Variants in MDGA2 observed in about 807,000 individuals in gnomAD.
MDGA2 encodes the protein MAM domain containing glycosylphosphatidylinositol anchor 2, also known as MAM domain-containing glycosylphosphatidylinositol anchor protein 2.
A neutral mutation model predicts 117.8 loss-of-function variants in MDGA2; 40 were observed. The observed-to-expected ratio is 0.34, with a 90% confidence interval of 0.26 to 0.44. The LOEUF is 0.44. Among genes scored for constraint, MDGA2 ranks in the 20% least tolerant of loss-of-function variants. The pLI, the probability that MDGA2 is intolerant of heterozygous loss-of-function variation, is 1.00. For missense variants in MDGA2, 1,123 were observed against 1,250.6 expected (o/e 0.90, Z 1.54); for synonymous variants, 452 against 439.0 (o/e 1.03, Z -0.37).
intron 2 of MDGA2, among the ~76,000 whole-genome samples, chr14:47,286,348 A>C (rs1888669404): frequency 1.3e-5 from 2 of 152,046 alleles, no homozygotes; most frequent in Admixed American, 6.6e-5. Context: ...TGTATGTTTT[A>C]CACACTAACC....
At chr14:47,411,382 G>A (rs1892369572) in intron 1 of MDGA2, among the ~76,000 whole-genome samples, 1 of 152,092 alleles carries the variant, frequency 6.6e-6, no homozygotes, top group African/African-American at 2.4e-5. Flanking sequence ...GAACATTCTA[G>A]AATGTCCTCA....
chr14:47,436,855 T>C (rs1408939976), intron 1 of MDGA2, among the ~76,000 whole-genome samples: 2 of 152,128 alleles, frequency 1.3e-5, no homozygotes, highest in Non-Finnish European at 2.9e-5. Context: ...ATCCAAGTTC[T>C]TGATACATGC....
intron 8 of MDGA2, among the ~76,000 whole-genome samples, chr14:46,958,039 C>T (rs1194760386): frequency 1.3e-5 from 2 of 152,064 alleles, no homozygotes; most frequent in Non-Finnish European, 2.9e-5. Flanking sequence ...AGATTCCTTT[C>T]TTCATTTACT....
At chr14:47,116,673 C>T (rs1881348047) in intron 5 of MDGA2, among the ~76,000 whole-genome samples, 1 of 151,864 alleles carries the variant, frequency 6.6e-6, no homozygotes, top group Admixed American at 6.6e-5. Context: ...TAGACAAAGA[C>T]AAGAGATGTT....
At chr14:47,616,709 A>G (rs1231276566) in intron 1 of MDGA2, among the ~76,000 whole-genome samples, 9 of 152,188 alleles carry the variant, frequency 5.9e-5, no homozygotes, top group Admixed American at 3.3e-4. Flanking sequence ...ATAAAAATAG[A>G]ACAATTTTTT....
chr14:47,531,016 T>C (rs1895086945), intron 1 of MDGA2, among the ~76,000 whole-genome samples: 1 of 152,062 alleles, frequency 6.6e-6, no homozygotes, highest in Non-Finnish European at 1.5e-5. Context: ...GAGGCCGAGG[T>C]GGGCGGATCA....
chr14:47,035,901 T>G (rs527425380), intron 7 of MDGA2, among the ~76,000 whole-genome samples: 20 of 152,300 alleles, frequency 1.3e-4, no homozygotes, highest in African/African-American at 4.8e-4. Context: ...TGTAAATAGT[T>G]TGCCATAATA....
At chr14:47,089,380 T>C (rs1891024904) in intron 6 of MDGA2, among the ~76,000 whole-genome samples, 1 of 152,070 alleles carries the variant, frequency 6.6e-6, no homozygotes, top group South Asian at 2.1e-4. Context: ...GTTTCTTTTT[T>C]GTTTGTTTGT....
chr14:47,559,836 G>A (rs1895761509), intron 1 of MDGA2, among the ~76,000 whole-genome samples: 2 of 152,176 alleles, frequency 1.3e-5, no homozygotes, highest in East Asian at 3.9e-4. Context: ...GCCTCCCAAA[G>A]TGCTGGGATT....
chr14:47,194,072 C>T (rs1259801305), intron 3 of MDGA2, among the ~76,000 whole-genome samples: 2 of 152,112 alleles, frequency 1.3e-5, no homozygotes. Context: ...ATGTATTTCC[C>T]ATAATTATAT....
At chr14:47,597,923 A>G (rs992703521) in intron 1 of MDGA2, among the ~76,000 whole-genome samples, 7 of 151,734 alleles carry the variant, frequency 4.6e-5, no homozygotes, top group Admixed American at 3.9e-4. Context: ...AGATATAATT[A>G]CCCAAGAAAA....
At chr14:46,839,796 T>A (rs1321772103), downstream of MDGA2, among the ~76,000 whole-genome samples, 1 of 151,972 alleles carries the variant, frequency 6.6e-6, no homozygotes, top group Non-Finnish European at 1.5e-5. Context: ...TTGGTTCAGA[T>A]CAATTCCATC....
rs563880948 is a variant in MDGA2 at position 47,250,207 on chromosome 14, T to G, written c.421-32012A>C. Among the ~76,000 whole-genome samples, 17 of 152,302 alleles carry G rather than the reference T, an allele frequency of 1.1e-4. No individual in the cohort carries two copies. In the East Asian group the frequency reaches 2.9e-3, roughly 26 times the overall value. On this transcript the variant is annotated intron_variant, in intron 2 of 16. Transcript: ENST00000399232. ...GCATGGAGCCATCTATCAGAATACTTTACTGCTAAAGGCAGAACAGTTCTC... is the reference window on the plus strand; with the variant it reads ...GCATGGAGCCATCTATCAGAATACTGTACTGCTAAAGGCAGAACAGTTCTC...
At chr14:47,385,287 G>T (rs2138426027) in intron 1 of MDGA2, among the ~76,000 whole-genome samples, 1 of 151,940 alleles carries the variant, frequency 6.6e-6, no homozygotes. Context: ...AATTCATTAT[G>T]AAGGCTCACA....
intron 1 of MDGA2, among the ~76,000 whole-genome samples, chr14:47,661,071 A>T (rs1897836570): frequency 6.6e-6 from 1 of 152,210 alleles, no homozygotes. Context: ...TTGCATTTCA[A>T]GTATATACTG....
chr14:46,919,583 G>A (rs1884044103), intron 10 of MDGA2, among the ~76,000 whole-genome samples: 1 of 152,112 alleles, frequency 6.6e-6, no homozygotes. Flanking sequence ...GCAACATTCT[G>A]TATATGTCTT....
chr14:47,661,984 G>C (rs60202145), intron 1 of MDGA2, among the ~76,000 whole-genome samples: 38,988 of 151,922 alleles, frequency 0.26, 6,008 homozygotes, highest in South Asian at 0.45. Flanking sequence ...TGATCCGCCT[G>C]CCTCGGCCTC....
chr14:47,037,688 TTAAA>T (rs1347367233), intron 7 of MDGA2, among the ~76,000 whole-genome samples: 1 of 152,212 alleles, frequency 6.6e-6, no homozygotes, highest in Non-Finnish European at 1.5e-5. Context: ...TCTATATTTC[TTAAA>T]TAAATACCTC....
At chr14:47,417,118 T>C (rs1892491275) in intron 1 of MDGA2, among the ~76,000 whole-genome samples, 1 of 152,192 alleles carries the variant, frequency 6.6e-6, no homozygotes, top group Non-Finnish European at 1.5e-5. Context: ...ATCTTATCTG[T>C]GCTTTCTCAT....
Sources: allele counts gnomAD v4.1 joint callset (sites outside exome capture counted in the v4.1 genomes callset), GRCh38; gene constraint gnomAD v4.1.1; transcripts MANE v1.5; gene names NCBI Gene and HGNC (gene_info 2026-07-23, HGNC 2026-07-21).